The following USP24 variants were observed in gnomAD, a reference collection of about 807,000 sequenced individuals.
The protein encoded by USP24 is ubiquitin specific peptidase 24, also known as ubiquitin carboxyl-terminal hydrolase 24.
Under a neutral mutation model 361.6 loss-of-function variants are expected in USP24, and 97 were observed. The ratio of observed to expected loss-of-function variants is 0.27; its 90% CI spans 0.23 to 0.32. USP24 has a LOEUF of 0.32. Ranked by LOEUF, USP24 falls within the 10% of genes least tolerant of loss-of-function variation. USP24 has a pLI of 1.00. For missense variants in USP24, 2,353 were observed against 3,165.6 expected, an observed-to-expected ratio of 0.74 and a Z score of 6.16; for synonymous variants, 1,098 against 1,124.6, an observed-to-expected ratio of 0.98 and a Z score of 0.47.
At position 55,095,402 on chromosome 1, in the gene USP24, T is replaced by C. The variant is rs767413974; in HGVS notation, c.6062-6A>G. 3.2e-5 allele frequency: 51 copies of C among 1,598,934 alleles called. No individual in the cohort carries two copies. The South Asian group carries it at 5.7e-4, about 18-fold the overall frequency. On this transcript the variant is annotated splice_region_variant and splice_polypyrimidine_tract_variant and intron_variant, in intron 50 of 67. Transcript: ENST00000294383. ...CACATCAGTGTATGGGTTTGCTTTA[T>C]AACAAGACATTAAGAAACACATCTG...
At chr1:55,082,028 T>G (rs1001744789) in intron 58 of USP24, among the ~76,000 whole-genome samples, 1 of 152,342 alleles carries the variant, frequency 6.6e-6, no homozygotes, top group South Asian at 2.1e-4. Flanking sequence ...AATTTCAACA[T>G]AGTATCCACA....
chr1:55,129,722 T>C (rs555342617), intron 31 of USP24, 148 bp from the exon 32 acceptor site: 412 of 591,532 alleles, frequency 7.0e-4, no homozygotes, highest in Non-Finnish European at 1.1e-3. Flanking sequence ...AAGCTGATGT[T>C]TCACGATAAA....
At chr1:55,199,600 T>C (rs1222521764) in intron 1 of USP24, among the ~76,000 whole-genome samples, 2 of 144,530 alleles carry the variant, frequency 1.4e-5, no homozygotes, top group African/African-American at 5.7e-5. Context: ...TGTGTGTGTG[T>C]GTGTGTGTGT....
At chr1:55,191,490 C>CTTGCTTT (rs1557691600) in intron 1 of USP24, among the ~76,000 whole-genome samples, 1 of 56,672 alleles carries the variant, frequency 1.8e-5, no homozygotes. Flanking sequence ...CAATATGGCA[C>CTTGCTTT]TTTCTTTTTT....
Position 55,132,692 on chromosome 1 carries a change from C to T in USP24, c.3390G>A (p.Leu1130=). ...QLDSLGRKKT[L]LSESSSQSSK... ...AGGACTGAGAACTTGATTCAGACAG[C>T]AATGTTTTCTAAGTTTAAGAGAATG... The change falls in exon 31 of 68, where the codon TTG becomes TTA. Residue 1130 remains leucine, a synonymous_variant. Transcript: ENST00000294383. The T allele has an allele frequency of 3.1e-6, 5 of 1,612,410 alleles. No homozygotes were observed. The highest frequency in any genetic ancestry group is 4.2e-6 in the Non-Finnish European group (5 of 1,179,080).
intron 42 of USP24, among the ~76,000 whole-genome samples, chr1:55,102,333 T>C (rs1024890880): frequency 9.9e-5 from 15 of 152,172 alleles, no homozygotes; most frequent in Admixed American, 3.3e-4. Context: ...TGTTTTGAAA[T>C]AACATAGACC....
intron 54 of USP24, among the ~76,000 whole-genome samples, chr1:55,090,756 A>G (rs1205785948): frequency 2.0e-5 from 3 of 152,212 alleles, no homozygotes; most frequent in Non-Finnish European, 2.9e-5. Context: ...CAGAACCTAT[A>G]ATGTGCAGGC....
At chr1:55,187,437 C>T (rs75252503) in intron 1 of USP24, among the ~76,000 whole-genome samples, 2,416 of 152,190 alleles carry the variant, frequency 0.016, 56 homozygotes, top group African/African-American at 0.055. Context: ...ACTGGAGTGT[C>T]TAGTCAAGGC....
At chr1:55,078,945 GCAA>G (rs1645084594) in intron 60 of USP24, among the ~76,000 whole-genome samples, 1 of 62,698 alleles carries the variant, frequency 1.6e-5, no homozygotes, top group African/African-American at 6.8e-5. Flanking sequence ...AAAATATTAA[GCAA>G]AAAAAAAAAA....
chr1:55,144,222 A>G lies in USP24; in HGVS notation c.2363-19T>C, dbSNP rs763347024. Reference sequence around the variant, plus strand: ...TTAAAACCTGTAATTATAGAATGCCAAATAAATTCATGTACTCTACGTAAC... The same window carrying G: ...TTAAAACCTGTAATTATAGAATGCCGAATAAATTCATGTACTCTACGTAAC... On this transcript the variant is annotated intron_variant, in intron 20 of 67. Transcript: ENST00000294383. 3 of 1,508,268 alleles carry G rather than the reference A, an allele frequency of 2.0e-6. No homozygotes were observed. The highest frequency in any genetic ancestry group is 2.7e-6 in the Non-Finnish European group (3 of 1,102,024). 93.4% of individuals were successfully genotyped at this position (1,508,268 alleles called of 1,614,324 possible).
intron 1 of USP24, among the ~76,000 whole-genome samples, chr1:55,182,151 A>G (rs1020360009): frequency 3.9e-5 from 6 of 152,220 alleles, no homozygotes; most frequent in Non-Finnish European, 8.8e-5. Flanking sequence ...TCCCGGGTTC[A>G]AGCGATTCTC....
intron 67 of USP24, among the ~76,000 whole-genome samples, chr1:55,070,072 G>T (rs1644889811): frequency 6.6e-6 from 1 of 151,874 alleles, no homozygotes; most frequent in African/African-American, 2.4e-5. Context: ...AGGGGCTGAT[G>T]ACAGGTGGAG....
intron 58 of USP24, among the ~76,000 whole-genome samples, chr1:55,081,954 C>T (rs1010501522): frequency 1.3e-5 from 2 of 152,194 alleles, no homozygotes; most frequent in Non-Finnish European, 2.9e-5. Flanking sequence ...TGAATTTAAA[C>T]TAATTGCTAG....
At chr1:55,187,434 T>G (rs1179750394) in intron 1 of USP24, among the ~76,000 whole-genome samples, 1 of 151,900 alleles carries the variant, frequency 6.6e-6, no homozygotes, top group African/African-American at 2.4e-5. Context: ...TGCACTGGAG[T>G]GTCTAGTCAA....
At chr1:55,112,781 T>G (rs1645991995) in intron 38 of USP24, among the ~76,000 whole-genome samples, 1 of 152,162 alleles carries the variant, frequency 6.6e-6, no homozygotes, top group African/African-American at 2.4e-5. Context: ...CTATTAGGTC[T>G]GCTTGGTCCA....
chr1:55,146,167 T>C, intron 19 of USP24, 58 bp from the exon 20 acceptor site: 2 of 1,233,120 alleles, frequency 1.6e-6, no homozygotes, highest in Admixed American at 1.9e-5. Context: ...CACATACATA[T>C]TCCAAACTGG....
At position 55,145,985 on chromosome 1, in the gene USP24, A is replaced by T; in HGVS notation, c.2362+13T>A. 6.4e-7 allele frequency: 1 copy of T among 1,570,106 alleles called. No individual in the cohort carries two copies. On this transcript the variant is annotated intron_variant, in intron 20 of 67. Coordinates refer to ENST00000294383, the MANE Select transcript of USP24 (RefSeq NM_015306.3). Reference sequence around the variant, plus strand: ...AAAAGTACTGAAAAAAATGATTTTAAGTTTTTTCCTACCATTCATAGTGAT... The same window carrying T: ...AAAAGTACTGAAAAAAATGATTTTATGTTTTTTCCTACCATTCATAGTGAT...
intron 5 of USP24, among the ~76,000 whole-genome samples, chr1:55,167,396 A>C (rs1648993135): frequency 6.6e-6 from 1 of 152,126 alleles, no homozygotes; most frequent in Non-Finnish European, 1.5e-5. Context: ...TGTGTTTAAA[A>C]AACTCTCCCA....
At chr1:55,139,970 A>C (rs10493179) in intron 24 of USP24, among the ~76,000 whole-genome samples, 17,092 of 152,098 alleles carry the variant, frequency 0.11, 1,157 homozygotes, top group Non-Finnish European at 0.16. Context: ...AATCACAGAC[A>C]GTATTATGAA....
Sources: gnomAD v4.1 joint callset for allele counts (sites outside exome capture counted in the v4.1 genomes callset) on GRCh38, gnomAD v4.1.1 for gene constraint, MANE v1.5 for transcripts, NCBI Gene and HGNC (gene_info 2026-07-23, HGNC 2026-07-21) for gene names.